The following SLA2 variants were observed in gnomAD, a reference collection of about 807,000 sequenced individuals.
SLA2 encodes the protein Src like adaptor 2, also known as src-like-adapter 2.
SLA2 carries 22 observed loss-of-function variants against 27.3 expected under a neutral mutation model. The observed-to-expected ratio is 0.81, with a 90% CI of 0.58 to 1.15. The LOEUF (loss-of-function observed/expected upper bound fraction) is 1.15, where lower values mean the gene tolerates loss of function less well. Ranked by LOEUF, SLA2 falls within the 50% of genes most tolerant of loss-of-function variation. The pLI is 0.00. For missense variants in SLA2, 304 were observed against 322.2 expected, an observed-to-expected ratio of 0.94 and a Z score of 0.43; for synonymous variants, 131 against 137.8, an observed-to-expected ratio of 0.95 and a Z score of 0.34.
Position 36,613,862 on chromosome 20 carries a change from G to A in SLA2, c.*4C>T. ...TGGTTTCCCTTTTGGCCTCTCCTTT[G>A]GGCCTAGGCATCATCCAAAGAGACA... is the stretch of plus-strand genomic sequence containing the variant. On this transcript the variant is annotated 3_prime_UTR_variant, in exon 8 of 8. Transcript: ENST00000262866. 2 of 1,553,370 alleles carry A rather than the reference G, an allele frequency of 1.3e-6. No individual in the cohort carries two copies. The highest frequency in any genetic ancestry group is 1.8e-6 in the Non-Finnish European group (2 of 1,142,138).
chr20:36,619,680 G>T (rs2039259085), intron 5 of SLA2, among the ~76,000 whole-genome samples: 1 of 150,386 alleles, frequency 6.6e-6, no homozygotes, highest in African/African-American at 2.4e-5. Context: ...ACCCAGGCTG[G>T]AGTGCAGTGG....
chr20:36,641,488 CCTCCCTCCTGTGGGACCAGG>C, intron 1 of SLA2, 110 bp from the exon 2 acceptor site: 1 of 591,740 alleles, frequency 1.7e-6, no homozygotes, highest in Non-Finnish European at 3.1e-6. Flanking sequence ...ATGTGAATGA[CCTCCCTCCTGTGGGACCAGG>C]CTCCAGCCTC....
chr20:36,615,870 A>G (rs897463197), intron 5 of SLA2, among the ~76,000 whole-genome samples: 1 of 152,216 alleles, frequency 6.6e-6, no homozygotes, highest in African/African-American at 2.4e-5. Flanking sequence ...AGCAATATGC[A>G]CAGCGGCATT....
At chr20:36,636,390 C>T (rs1245144557) in intron 2 of SLA2, among the ~76,000 whole-genome samples, 1 of 139,884 alleles carries the variant, frequency 7.1e-6, no homozygotes, top group East Asian at 2.0e-4. Flanking sequence ...CACTGCAGTC[C>T]GCAGTCCAGC....
In SLA2 at chr20:36,626,714, G is replaced by A. The variant is rs143521837; in HGVS notation, c.382+5881C>T. On this transcript the variant is annotated intron_variant, in intron 5 of 7. Transcript: ENST00000262866. ...AAAAAATTAGCCGGGTGTGGTGGCA[G>A]CCGCCTGTGGTCCCAGCTACTCGGG... Among the ~76,000 whole-genome samples, 53 of 148,788 alleles carry A rather than the reference G, an allele frequency of 3.6e-4. 1 individual carries two copies. In the East Asian group the frequency reaches 0.011, roughly 30 times the overall value.
At chr20:36,634,654 GAGT>G in intron 2 of SLA2, 65 bp from the exon 3 acceptor site, 1 of 1,093,324 alleles carries the variant, frequency 9.1e-7, no homozygotes, top group South Asian at 1.6e-5. Flanking sequence ...AGGTCTAGTG[GAGT>G]CTGGCCTGGG....
At chr20:36,614,105 C>A in intron 7 of SLA2, 119 bp from the exon 8 acceptor site, 1 of 1,495,208 alleles carries the variant, frequency 6.7e-7, no homozygotes, top group Non-Finnish European at 9.1e-7. Flanking sequence ...CATGGGGCTC[C>A]CCTGTTCCCT....
At chr20:36,633,662 C>G in intron 3 of SLA2, 33 bp from the exon 4 acceptor site, 1 of 1,582,572 alleles carries the variant, frequency 6.3e-7, no homozygotes, top group South Asian at 1.1e-5. Flanking sequence ...GCACCTCTTT[C>G]AGATGAGCCA....
chr20:36,621,193 G>A, intron 5 of SLA2: 2 of 478,706 alleles, frequency 4.2e-6, no homozygotes, highest in Non-Finnish European at 8.2e-6. Context: ...TGGTGGATAT[G>A]GTGGCGGTGG....
chr20:36,613,131 A>G lies in SLA2; in HGVS notation c.*735T>C, dbSNP rs1485713459. ...GCTATTCTGGAGGCTGAGGCAGGAGAATTGTTTGAATCCAGGAGATGGAGG... is the reference window on the plus strand; with the variant it reads ...GCTATTCTGGAGGCTGAGGCAGGAGGATTGTTTGAATCCAGGAGATGGAGG... On this transcript the variant is annotated 3_prime_UTR_variant, in exon 8 of 8. Coordinates refer to ENST00000262866, the MANE Select transcript of SLA2 (RefSeq NM_032214.4). 1 of 152,326 alleles carries G rather than the reference A, an allele frequency of 6.6e-6. No individual in the cohort carries two copies. The highest frequency in any genetic ancestry group is 1.5e-5 in the Non-Finnish European group (1 of 68,142). The allele number at this position is 152,326 out of a possible 1,614,324, so 9.4% of individuals were successfully genotyped here. A position where few individuals can be genotyped will look rare whatever the true frequency, so the allele number is the denominator to read the frequency against.
chr20:36,620,039 AATT>A (rs976345359), intron 5 of SLA2, among the ~76,000 whole-genome samples: 9 of 151,518 alleles, frequency 5.9e-5, no homozygotes, highest in Middle Eastern at 3.4e-3. Flanking sequence ...AGGCAGAGGC[AATT>A]ATTATGCCAC....
chr20:36,636,012 T>C (rs548113501), intron 2 of SLA2, among the ~76,000 whole-genome samples: 33 of 152,284 alleles, frequency 2.2e-4, no homozygotes, highest in African/African-American at 7.7e-4. Flanking sequence ...GGTTACGGGT[T>C]TAGCACCTGT....
chr20:36,615,516 G>C (rs1389416315), intron 5 of SLA2, 142 bp from the exon 6 acceptor site: 2 of 850,120 alleles, frequency 2.4e-6, no homozygotes, highest in Non-Finnish European at 3.7e-6. Context: ...ACAAAGACTT[G>C]CTCTCTTGGT....
intron 6 of SLA2, 171 bp downstream of exon 6, chr20:36,615,054 A>C (rs774736362): frequency 1.0e-6 from 1 of 985,400 alleles, no homozygotes; most frequent in Non-Finnish European, 1.2e-6. Context: ...CGAGGTGAAG[A>C]CAGGGCTCCC....
At chr20:36,632,451 C>T (rs1046607915) in intron 5 of SLA2, 144 bp downstream of exon 5, 14 of 645,934 alleles carry the variant, frequency 2.2e-5, no homozygotes, top group Admixed American at 1.0e-4. Context: ...GGGCAGGACA[C>T]GGAGCTGGGG....
At chr20:36,637,624 C>CTTTTTTTT (rs36100264) in intron 2 of SLA2, among the ~76,000 whole-genome samples, 6 of 80,944 alleles carry the variant, frequency 7.4e-5, no homozygotes, top group African/African-American at 1.4e-4. Flanking sequence ...GTGAAGTTTG[C>CTTTTTTTT]TTTTTTTTTT....
At chr20:36,643,721 G>T (rs1978285476) in intron 1 of SLA2, among the ~76,000 whole-genome samples, 1 of 152,164 alleles carries the variant, frequency 6.6e-6, no homozygotes, top group South Asian at 2.1e-4. Flanking sequence ...GGAGGCCGAG[G>T]TGGGCAGATC....
intron 5 of SLA2, among the ~76,000 whole-genome samples, chr20:36,629,961 C>A (rs2039377435): frequency 6.6e-6 from 1 of 151,682 alleles, no homozygotes; most frequent in Non-Finnish European, 1.5e-5. Flanking sequence ...AGTCTCCATA[C>A]GGCTTTCTCT....
chr20:36,630,355 G>T (rs1203572018), intron 5 of SLA2, among the ~76,000 whole-genome samples: 1 of 152,202 alleles, frequency 6.6e-6, no homozygotes, highest in South Asian at 2.1e-4. Context: ...AGCTGGAAAG[G>T]GTCCTGGGAG....
Sources: gnomAD v4.1 joint callset for allele counts (sites outside exome capture counted in the v4.1 genomes callset) on GRCh38, gnomAD v4.1.1 for gene constraint, MANE v1.5 for transcripts, NCBI Gene and HGNC (gene_info 2026-07-23, HGNC 2026-07-21) for gene names.